The following GABBR2 variants were observed in gnomAD, a reference collection of about 807,000 sequenced individuals.
The protein encoded by GABBR2 is G-protein coupled receptor 51.
A neutral mutation model predicts 105.6 loss-of-function variants in GABBR2; 23 were observed. That is an observed-to-expected ratio of 0.22 (90% confidence interval 0.16 to 0.31). The LOEUF is 0.31. GABBR2 is among the 10% of genes least tolerant of loss of function. GABBR2 has a pLI of 1.00. For synonymous variants in GABBR2, 478 were observed against 499.7 expected (o/e 0.96, Z 0.58); for missense variants, 734 against 1,245.5 (o/e 0.59, Z 6.18).
rs943071350 is a variant in GABBR2, at chr9:98,608,051, C to T, written c.322-29979G>A. ...ATCAGTTAGAGGATGAGAAAGCAAACTGGGAAGCTCAACAACGTATTTTAG... is the reference window on the plus strand; with the variant it reads ...ATCAGTTAGAGGATGAGAAAGCAAATTGGGAAGCTCAACAACGTATTTTAG... On this transcript the variant is annotated intron_variant, in intron 1 of 18. Coordinates refer to ENST00000259455, the MANE Select transcript of GABBR2 (RefSeq NM_005458.8). The T allele has an allele frequency of 3.8e-6, 5 of 1,305,874 alleles. No homozygotes were observed. The African/African-American group carries it at 7.3e-5, about 19-fold the overall frequency. 80.9% of individuals were successfully genotyped at this position (1,305,874 alleles called of 1,614,324 possible). A position where few individuals can be genotyped will look rare whatever the true frequency, so the allele number is the denominator to read the frequency against.
intron 1 of GABBR2, among the ~76,000 whole-genome samples, chr9:98,621,006 G>C (rs554290629): frequency 1.3e-5 from 2 of 151,906 alleles, no homozygotes; most frequent in South Asian, 4.2e-4. Flanking sequence ...GCTCAGTGGG[G>C]GAAAAAAAAG....
chr9:98,317,801 C>T lies in GABBR2; in HGVS notation c.1894-6596G>A, dbSNP rs142728164. On this transcript the variant is annotated intron_variant, in intron 13 of 18. Transcript: ENST00000259455. ...TCTTGGAGGGTACATTCCAGTGGAA[C>T]GGGGGCTGCTCAACAAACACAGGCA... Among the ~76,000 whole-genome samples, 109 of 152,238 alleles carry T rather than the reference C, an allele frequency of 7.2e-4. 1 individual carries two copies. The highest frequency in any genetic ancestry group is 2.5e-3 in the African/African-American group (105 of 41,542).
intron 1 of GABBR2, among the ~76,000 whole-genome samples, chr9:98,596,190 C>T (rs186170053): frequency 6.6e-6 from 1 of 152,326 alleles, no homozygotes; most frequent in Admixed American, 6.5e-5. Context: ...AGTTTCCTCC[C>T]CCATAAACGA....
intron 2 of GABBR2, among the ~76,000 whole-genome samples, chr9:98,544,714 G>A (rs1185033873): frequency 1.3e-5 from 2 of 152,156 alleles, no homozygotes; most frequent in Non-Finnish European, 2.9e-5. Flanking sequence ...CCTGAAAACT[G>A]TAGGAAAGGA....
At chr9:98,431,651 C>T (rs1035185681) in intron 7 of GABBR2, among the ~76,000 whole-genome samples, 17 of 151,772 alleles carry the variant, frequency 1.1e-4, no homozygotes, top group African/African-American at 3.4e-4. Context: ...CTATATCCTA[C>T]AGGCAGTGGG....
intron 13 of GABBR2, among the ~76,000 whole-genome samples, chr9:98,339,569 G>A (rs1251637735): frequency 6.6e-6 from 1 of 152,200 alleles, no homozygotes; most frequent in East Asian, 1.9e-4. Flanking sequence ...CAGCAGTGGA[G>A]GCAGACAGAA....
Position 98,371,506 on chromosome 9 carries a change from C to G in GABBR2, c.1728G>C (p.Trp576Cys). 1 of 1,611,280 alleles carries G rather than the reference C, an allele frequency of 6.2e-7. No homozygotes were observed. Among genetic ancestry groups the G allele is most frequent in the Non-Finnish European group, 8.5e-7 (1 of 1,177,438 alleles). ...CATTTTTGAAGATGGCGTGGACTCT[C>G]CAGGTCTTTGCAAACATGGCCCCAA... ...TAFGAMFAKT[W>C]RVHAIFKNVK... Residue 576 changes from tryptophan to cysteine, a missense_variant, in exon 12 of 19, where the codon TGG (tryptophan) becomes TGC (cysteine). Transcript: ENST00000259455.
chr9:98,499,408 G>A (rs1320315295), intron 3 of GABBR2, among the ~76,000 whole-genome samples: 1 of 152,160 alleles, frequency 6.6e-6, no homozygotes, highest in South Asian at 2.1e-4. Flanking sequence ...GCCAGATGTG[G>A]ACAGTTTCGG....
chr9:98,393,974 A>T (rs1209477964), intron 9 of GABBR2, among the ~76,000 whole-genome samples: 1 of 152,248 alleles, frequency 6.6e-6, no homozygotes, highest in Non-Finnish European at 1.5e-5. Flanking sequence ...CACTTCATAC[A>T]AACTCTAGTG....
intron 13 of GABBR2, among the ~76,000 whole-genome samples, chr9:98,359,766 G>A (rs773636165): frequency 2.6e-5 from 4 of 152,206 alleles, no homozygotes; most frequent in African/African-American, 4.8e-5. Flanking sequence ...GGAAGATGCC[G>A]GCCGTGGCGT....
At chr9:98,318,690 G>T (rs552373831) in intron 13 of GABBR2, among the ~76,000 whole-genome samples, 1 of 152,142 alleles carries the variant, frequency 6.6e-6, no homozygotes, top group Non-Finnish European at 1.5e-5. Context: ...AGCCCAGCCC[G>T]GCCCGGCCAG....
chr9:98,539,259 T>C (rs1045312122), intron 3 of GABBR2, among the ~76,000 whole-genome samples: 6 of 152,198 alleles, frequency 3.9e-5, no homozygotes, highest in African/African-American at 1.4e-4. Context: ...TGGCTGTCTG[T>C]GAGAGTTTTT....
chr9:98,361,572 C>T (rs752849888), intron 13 of GABBR2, among the ~76,000 whole-genome samples: 1 of 152,196 alleles, frequency 6.6e-6, no homozygotes, highest in Non-Finnish European at 1.5e-5. Context: ...GTTCTGTTGC[C>T]TACCTTGCAG....
intron 1 of GABBR2, among the ~76,000 whole-genome samples, chr9:98,661,940 G>A (rs1731198508): frequency 6.6e-6 from 1 of 152,104 alleles, no homozygotes; most frequent in African/African-American, 2.4e-5. Context: ...GAGCTCCCTG[G>A]AGAATTGGTC....
rs558453290 is a variant in GABBR2 at position 98,343,067 on chromosome 9, C to T, written c.1893+19648G>A. On this transcript the variant is annotated intron_variant, in intron 13 of 18. Transcript: ENST00000259455. ...AAACATAACTGGTATAACCACCAGG[C>T]TCAAAGCCAAGTGTAGTTCCATGAT... Among the ~76,000 whole-genome samples the T allele has an allele frequency of 4.6e-5, 7 of 152,346 alleles. No individual in the cohort carries two copies. In the East Asian group the frequency reaches 1.4e-3, roughly 29 times the overall value.
chr9:98,473,606 G>A (rs1826731332), intron 5 of GABBR2, among the ~76,000 whole-genome samples: 1 of 152,128 alleles, frequency 6.6e-6, no homozygotes, highest in African/African-American at 2.4e-5. Flanking sequence ...CCTGAAGATA[G>A]AAGGAACAGA....
chr9:98,302,632 T>G (rs1039789164), intron 16 of GABBR2, among the ~76,000 whole-genome samples: 2 of 152,138 alleles, frequency 1.3e-5, no homozygotes, highest in African/African-American at 4.8e-5. Flanking sequence ...GAGCACGGGT[T>G]CAGGCATACC....
intron 11 of GABBR2, among the ~76,000 whole-genome samples, chr9:98,383,297 T>C (rs55739315): frequency 0.051 from 7,783 of 152,286 alleles, 661 homozygotes; most frequent in African/African-American, 0.17. Flanking sequence ...ACAAGGACTT[T>C]TGAGAAGCTC....
chr9:98,501,361 C>T (rs573315872), intron 3 of GABBR2, among the ~76,000 whole-genome samples: 4 of 152,278 alleles, frequency 2.6e-5, no homozygotes, highest in Admixed American at 6.5e-5. Context: ...GACGGGGTTT[C>T]GCCATGTTGG....
Sources: allele counts gnomAD v4.1 joint callset (sites outside exome capture counted in the v4.1 genomes callset), GRCh38; gene constraint gnomAD v4.1.1; transcripts MANE v1.5; gene names NCBI Gene and HGNC (gene_info 2026-07-23, HGNC 2026-07-21).